Variants in CDH2 observed in about 807,000 individuals in gnomAD.
The protein encoded by CDH2 is cadherin 2.
Under a neutral mutation model 92.0 loss-of-function variants are expected in CDH2, and 17 were observed. That is an observed-to-expected ratio of 0.18 (90% CI 0.13 to 0.28). CDH2 has a LOEUF of 0.28. Ranked by LOEUF, CDH2 falls within the 10% of genes least tolerant of loss-of-function variation. CDH2 has a pLI of 1.00. For missense variants in CDH2, 862 were observed against 1,133.1 expected, an observed-to-expected ratio of 0.76 and a Z score of 3.44; for synonymous variants, 419 against 415.9, an observed-to-expected ratio of 1.01 and a Z score of -0.09.
chr18:28,095,692 C>T (rs1261501738), intron 2 of CDH2, among the ~76,000 whole-genome samples: 1 of 151,398 alleles, frequency 6.6e-6, no homozygotes, highest in Non-Finnish European at 1.5e-5. Context: ...CGCTAGTGGT[C>T]CCAGCTGCTC....
chr18:28,114,818 C>T (rs1599111143), intron 2 of CDH2, among the ~76,000 whole-genome samples: 1 of 151,906 alleles, frequency 6.6e-6, no homozygotes, highest in East Asian at 1.9e-4. Flanking sequence ...ACCTTAGACT[C>T]AACCTGTCCA....
At chr18:28,040,932 T>C (rs991519504) in intron 2 of CDH2, among the ~76,000 whole-genome samples, 2 of 152,216 alleles carry the variant, frequency 1.3e-5, no homozygotes, top group Non-Finnish European at 2.9e-5. Flanking sequence ...AGGTAGATGT[T>C]ACTTTAGAAA....
At chr18:28,076,881 A>T (rs1457054833) in intron 2 of CDH2, among the ~76,000 whole-genome samples, 2 of 151,994 alleles carry the variant, frequency 1.3e-5, no homozygotes, top group Non-Finnish European at 2.9e-5. Flanking sequence ...AACTCTGCAA[A>T]TCTGATAGAT....
chr18:28,158,984 A>G (rs1336384069), intron 1 of CDH2, among the ~76,000 whole-genome samples: 1 of 152,242 alleles, frequency 6.6e-6, no homozygotes, highest in African/African-American at 2.4e-5. Flanking sequence ...AATTAAATAT[A>G]TAATTTTTTC....
intron 2 of CDH2, among the ~76,000 whole-genome samples, chr18:28,107,070 C>T (rs911819194): frequency 6.6e-6 from 1 of 151,976 alleles, no homozygotes; most frequent in African/African-American, 2.4e-5. Context: ...TAAAATCAGG[C>T]AAAACTAAAA....
chr18:28,052,671 A>G (rs1432250092), intron 2 of CDH2, among the ~76,000 whole-genome samples: 1 of 152,224 alleles, frequency 6.6e-6, no homozygotes. Flanking sequence ...CCACCGAAGG[A>G]CTGGAAGTGA....
chr18:28,125,485 G>A (rs2015661789), intron 2 of CDH2, among the ~76,000 whole-genome samples: 2 of 151,964 alleles, frequency 1.3e-5, no homozygotes, highest in Admixed American at 1.3e-4. Flanking sequence ...AAATGTATTG[G>A]GGAGGGAAAA....
intron 2 of CDH2, among the ~76,000 whole-genome samples, chr18:28,068,709 G>C (rs1481485944): frequency 3.9e-5 from 6 of 152,156 alleles, no homozygotes; most frequent in African/African-American, 1.2e-4. Context: ...GCAGATTTAA[G>C]AGTACACTTG....
chr18:27,977,318 G>T (rs2143930438), intron 14 of CDH2, among the ~76,000 whole-genome samples: 1 of 152,112 alleles, frequency 6.6e-6, no homozygotes, highest in East Asian at 1.9e-4. Context: ...ATAAATCTCT[G>T]TTATACACAA....
intron 1 of CDH2, among the ~76,000 whole-genome samples, chr18:28,174,922 T>G (rs1024101181): frequency 3.3e-5 from 5 of 152,214 alleles, no homozygotes; most frequent in Non-Finnish European, 5.9e-5. Flanking sequence ...AATTAGTGTT[T>G]TTAAAGTAAG....
intron 1 of CDH2, among the ~76,000 whole-genome samples, chr18:28,154,863 C>A (rs532160140): frequency 6.6e-6 from 1 of 152,266 alleles, no homozygotes; most frequent in East Asian, 1.9e-4. Flanking sequence ...CTGAAAGCAG[C>A]CTAAACCTAA....
chr18:28,134,469 G>A (rs778734475), intron 2 of CDH2, among the ~76,000 whole-genome samples: 5 of 152,070 alleles, frequency 3.3e-5, no homozygotes, highest in Non-Finnish European at 7.3e-5. Flanking sequence ...CCGCACTTGG[G>A]GAGGCCAAGG....
chr18:28,169,763 C>T (rs905595068), intron 1 of CDH2, among the ~76,000 whole-genome samples: 1 of 152,148 alleles, frequency 6.6e-6, no homozygotes, highest in African/African-American at 2.4e-5. Context: ...TGTATAATAG[C>T]AACTCTTTTT....
intron 2 of CDH2, among the ~76,000 whole-genome samples, chr18:28,100,056 C>T (rs1021212202): frequency 6.6e-6 from 1 of 152,080 alleles, no homozygotes; most frequent in African/African-American, 2.4e-5. Context: ...CTGATGTTTA[C>T]AAAGTACTGT....
intron 7 of CDH2, among the ~76,000 whole-genome samples, 154 bp from the exon 8 acceptor site, chr18:27,993,791 A>T (rs2012500711): frequency 1.3e-5 from 2 of 152,178 alleles, no homozygotes; most frequent in Non-Finnish European, 2.9e-5. Context: ...AGTTTCCTTT[A>T]ACTTATGAAG....
chr18:28,038,422 A>AGTGTGTGTGTGTGTGTGTGT (rs57601293), intron 2 of CDH2, among the ~76,000 whole-genome samples: 1 of 142,274 alleles, frequency 7.0e-6, no homozygotes, highest in African/African-American at 2.6e-5. Context: ...CCTTGTCTCA[A>AGTGTGTGTGTGTGTGTGTGT]GTGTGTGTGT....
chr18:27,993,484 G>A lies in CDH2; in HGVS notation c.1158+16C>T. Reference sequence around the variant, plus strand: ...ACTACAGACCCAAAGTTGTGTGAGTGACAGGCTGTACTCACCGTCATGGCA... The same window carrying A: ...ACTACAGACCCAAAGTTGTGTGAGTAACAGGCTGTACTCACCGTCATGGCA... On this transcript the variant is annotated intron_variant, in intron 8 of 15. Transcript: ENST00000269141. The A allele has an allele frequency of 6.2e-7, 1 of 1,608,564 alleles. No individual in the cohort carries two copies. Among genetic ancestry groups the A allele is most frequent in the Non-Finnish European group, 8.5e-7 (1 of 1,177,686 alleles).
chr18:28,050,935 A>G (rs1239391988), intron 2 of CDH2, among the ~76,000 whole-genome samples: 1 of 152,206 alleles, frequency 6.6e-6, no homozygotes, highest in Non-Finnish European at 1.5e-5. Flanking sequence ...GGACTATACA[A>G]AGGAAAAATC....
At chr18:28,061,296 C>A (rs1349899758) in intron 2 of CDH2, among the ~76,000 whole-genome samples, 1 of 152,118 alleles carries the variant, frequency 6.6e-6, no homozygotes, top group African/African-American at 2.4e-5. Flanking sequence ...TTTCCACAAA[C>A]AGGAAGCATT....
Sources: allele counts gnomAD v4.1 joint callset (sites outside exome capture counted in the v4.1 genomes callset), GRCh38; gene constraint gnomAD v4.1.1; transcripts MANE v1.5; gene names NCBI Gene and HGNC (gene_info 2026-07-23, HGNC 2026-07-21).